The following PNKD variants were observed in gnomAD, a reference collection of about 807,000 sequenced individuals.
The protein encoded by PNKD is PNKD metallo-beta-lactamase domain containing.
A neutral mutation model predicts 45.3 loss-of-function variants in PNKD; 36 were observed. That is an observed-to-expected ratio of 0.80 (90% CI 0.61 to 1.05). The LOEUF is 1.05. Among genes scored for constraint, PNKD ranks in the 50% least tolerant of loss-of-function variants. The probability of loss-of-function intolerance (pLI) is 0.00; values close to 1 mark genes in which losing one functional copy is unlikely to be tolerated. For synonymous variants in PNKD, 197 were observed against 210.1 expected (o/e 0.94, Z 0.54); for missense variants, 511 against 506.6 (o/e 1.01, Z -0.08).
chr2:218,343,912 C>T (rs1694754341), intron 8 of PNKD, among the ~76,000 whole-genome samples: 1 of 152,274 alleles, frequency 6.6e-6, no homozygotes, highest in South Asian at 2.1e-4. Flanking sequence ...CTTTGCTTAT[C>T]TGGGGAGAAG....
intron 2 of PNKD, among the ~76,000 whole-genome samples, chr2:218,329,629 G>A (rs990565235): frequency 2.6e-5 from 4 of 152,222 alleles, no homozygotes; most frequent in Admixed American, 1.3e-4. Flanking sequence ...TGGGCAGGGC[G>A]ATGGCAGACC....
chr2:218,272,564 C>G, intron 2 of PNKD: 1 of 1,613,658 alleles, frequency 6.2e-7, no homozygotes, highest in Non-Finnish European at 8.5e-7. Flanking sequence ...ATCTCCCCAC[C>G]CGTAGGGCCA....
intron 9 of PNKD, 96 bp from the exon 10 acceptor site, chr2:218,344,712 T>G (rs945154316): frequency 9.7e-6 from 14 of 1,448,758 alleles, no homozygotes; most frequent in Non-Finnish European, 1.3e-5. Flanking sequence ...TCAGAACTCC[T>G]GAACTCCAGG....
At position 218,275,433 on chromosome 2, in the gene PNKD, G is replaced by C. The variant is rs563258520; in HGVS notation, c.236+3884G>C. ...TCATAGGGCCCAGCCCTCTAGCTTGGAAGGGAGAGCCCAGGATCGGGTGAA... is the reference window on the plus strand; with the variant it reads ...TCATAGGGCCCAGCCCTCTAGCTTGCAAGGGAGAGCCCAGGATCGGGTGAA... On this transcript the variant is annotated intron_variant, in intron 2 of 9. Transcript: ENST00000273077. 6.5e-5 allele frequency: 104 copies of C among 1,590,920 alleles called. 1 individual carries two copies. The East Asian group carries it at 2.1e-3, about 33-fold the overall frequency.
At chr2:218,295,095 C>T (rs570546640) in intron 2 of PNKD, among the ~76,000 whole-genome samples, 1 of 152,324 alleles carries the variant, frequency 6.6e-6, no homozygotes, top group South Asian at 2.1e-4. Context: ...AGCCTTGCTG[C>T]GTGCTTTTTC....
At chr2:218,282,000 CGTAGCCAGGCTGCGG>C in intron 2 of PNKD, 2 of 1,607,012 alleles carry the variant, frequency 1.2e-6, no homozygotes, top group South Asian at 2.2e-5. Flanking sequence ...GCAGGGTGAC[CGTAGCCAGGCTGCGG>C]GTAGCCAGGG....
At chr2:218,291,927 C>G (rs938758658) in intron 2 of PNKD, among the ~76,000 whole-genome samples, 3 of 152,116 alleles carry the variant, frequency 2.0e-5, no homozygotes, top group Admixed American at 6.5e-5. Context: ...TCTGCCCCAG[C>G]TGCAAGCTAG....
Position 218,341,611 on chromosome 2 carries a change from T to A in PNKD, c.602T>A (p.Ile201Asn), listed in dbSNP as rs774436478. 6.3e-6 allele frequency: 10 copies of A among 1,579,526 alleles called. 1 individual carries two copies. In the South Asian group the frequency reaches 1.2e-4, roughly 18 times the overall value. ...GTGTACGGGAGCCCTCAGGACGGCA[T>A]CCCCTACCTCACCCAGTAAGTCCCT... ...CRVYGSPQDG[I>N]PYLTHPLCHQ... is the part of the protein sequence containing the mutation. Residue 201 changes from isoleucine to asparagine, a missense_variant, in exon 6 of 10, where the codon ATC (isoleucine) becomes AAC (asparagine). By Grantham distance (149) the Ile-to-Asn change is moderately radical. Coordinates refer to ENST00000273077, the MANE Select transcript of PNKD (RefSeq NM_015488.5).
chr2:218,302,486 G>A (rs1693296881), intron 2 of PNKD, among the ~76,000 whole-genome samples: 3 of 152,216 alleles, frequency 2.0e-5, no homozygotes, highest in Admixed American at 2.0e-4. Flanking sequence ...GAAGGATCAA[G>A]CTATGTGAAG....
In PNKD at chr2:218,293,129, G is replaced by A. The variant is rs1361250190; in HGVS notation, c.236+21580G>A. On this transcript the variant is annotated intron_variant, in intron 2 of 9. Coordinates refer to ENST00000273077, the MANE Select transcript of PNKD (RefSeq NM_015488.5). The stretch of plus-strand genomic sequence containing the variant: ...GCAAACATGCAAACCTAGAATCTCT[G>A]TTTATAATTACTCAACCAGGAAAGC... 2.0e-5 allele frequency among the ~76,000 whole-genome samples: 3 copies of A among 152,218 alleles called. No individual in the cohort carries two copies. In the East Asian group the frequency reaches 5.8e-4, roughly 29 times the overall value.
At chr2:218,290,424 A>G (rs1692857293) in intron 2 of PNKD, among the ~76,000 whole-genome samples, 1 of 152,204 alleles carries the variant, frequency 6.6e-6, no homozygotes, top group Non-Finnish European at 1.5e-5. Context: ...CGTCTCTTAT[A>G]ACCTCTGTGC....
intron 2 of PNKD, among the ~76,000 whole-genome samples, chr2:218,305,029 C>T (rs769642642): frequency 1.3e-5 from 2 of 151,804 alleles, no homozygotes; most frequent in African/African-American, 2.4e-5. Context: ...GCTGAGATCG[C>T]GCCACTGCAC....
At chr2:218,282,045 G>T (rs1277170374) in intron 2 of PNKD, 1 of 1,605,392 alleles carries the variant, frequency 6.2e-7, no homozygotes, top group Non-Finnish European at 8.5e-7. Context: ...TACCCTCCTG[G>T]CAGGACAGAT....
At chr2:218,300,707 A>G (rs939944372) in intron 2 of PNKD, among the ~76,000 whole-genome samples, 5 of 151,362 alleles carry the variant, frequency 3.3e-5, no homozygotes, top group Admixed American at 1.3e-4. Flanking sequence ...CACCACGCCC[A>G]GCCAATTTTG....
At chr2:218,300,682 A>T (rs1237624761) in intron 2 of PNKD, among the ~76,000 whole-genome samples, 1 of 151,842 alleles carries the variant, frequency 6.6e-6, no homozygotes, top group Non-Finnish European at 1.5e-5. Flanking sequence ...GGTAGCTGGG[A>T]TTACAGGCAT....
intron 2 of PNKD, among the ~76,000 whole-genome samples, chr2:218,276,778 T>A (rs1691257280): frequency 6.6e-6 from 1 of 151,996 alleles, no homozygotes; most frequent in African/African-American, 2.4e-5. Context: ...AGTGATGCAG[T>A]CCAGGGCTTC....
intron 2 of PNKD, among the ~76,000 whole-genome samples, chr2:218,311,853 C>T (rs1286182529): frequency 6.6e-6 from 1 of 152,190 alleles, no homozygotes; most frequent in Non-Finnish European, 1.5e-5. Context: ...CCCATGAGGC[C>T]ATATCTCAGG....
intron 2 of PNKD, among the ~76,000 whole-genome samples, chr2:218,293,714 C>T (rs1225165812): frequency 6.6e-6 from 1 of 150,668 alleles, no homozygotes; most frequent in Non-Finnish European, 1.5e-5. Context: ...TCCTGAGTAG[C>T]TGGGATTACA....
chr2:218,319,852 C>T (rs1693937823), intron 2 of PNKD, among the ~76,000 whole-genome samples: 1 of 152,276 alleles, frequency 6.6e-6, no homozygotes, highest in South Asian at 2.1e-4. Context: ...GTAGCCAGCA[C>T]TCAGCTCAAG....
Sources: allele counts gnomAD v4.1 joint callset (sites outside exome capture counted in the v4.1 genomes callset), GRCh38; gene constraint gnomAD v4.1.1; transcripts MANE v1.5; gene names NCBI Gene and HGNC (gene_info 2026-07-23, HGNC 2026-07-21).